The following SVOP variants were observed in gnomAD, a reference collection of about 807,000 sequenced individuals.
The protein encoded by SVOP is SV2 related protein.
SVOP carries 17 observed loss-of-function variants against 69.1 expected under a neutral mutation model. That is an observed-to-expected ratio of 0.25 (90% CI 0.17 to 0.37). The LOEUF (loss-of-function observed/expected upper bound fraction) is 0.37. SVOP is among the 10% of genes least tolerant of loss of function. SVOP has a pLI of 1.00. For missense variants in SVOP, 435 were observed against 597.5 expected (o/e 0.73, Z 2.84); for synonymous variants, 238 against 238.6 (o/e 1.00, Z 0.02).
At chr12:108,974,037 G>T (rs775739982) in intron 4 of SVOP, among the ~76,000 whole-genome samples, 1 of 152,230 alleles carries the variant, frequency 6.6e-6, no homozygotes, top group South Asian at 2.1e-4. Flanking sequence ...AAAGCTGTGT[G>T]CTCTTTGGCA....
At chr12:108,958,490 A>G (rs1225781954) in intron 6 of SVOP, among the ~76,000 whole-genome samples, 1 of 152,124 alleles carries the variant, frequency 6.6e-6, no homozygotes, top group Non-Finnish European at 1.5e-5. Flanking sequence ...AGGTTGTCCC[A>G]TCTAGCTTTG....
chr12:108,965,132 T>C (rs1012767725), intron 5 of SVOP, among the ~76,000 whole-genome samples: 1 of 152,198 alleles, frequency 6.6e-6, no homozygotes, highest in African/African-American at 2.4e-5. Context: ...ACAGCCAGAG[T>C]CTCTGACTTC....
chr12:108,999,892 A>C (rs9668145), intron 1 of SVOP, among the ~76,000 whole-genome samples: 44,838 of 151,566 alleles, frequency 0.3, 7,538 homozygotes, highest in African/African-American at 0.46. Context: ...CTAACATCAC[A>C]ATTAAAAGAA....
At chr12:108,977,586 G>GGGGT in intron 3 of SVOP, 90 bp from the exon 4 acceptor site, 1 of 804,150 alleles carries the variant, frequency 1.2e-6, no homozygotes. Flanking sequence ...GACAGAGACT[G>GGGGT]TAGCACACCC....
chr12:108,915,692 G>A, intron 15 of SVOP, 91 bp downstream of exon 15: 1 of 1,336,316 alleles, frequency 7.5e-7, no homozygotes. Context: ...TGCAACCCGA[G>A]GGCTCTGGGG....
chr12:109,002,167 C>G, intron 1 of SVOP, among the ~76,000 whole-genome samples: 1 of 73,166 alleles, frequency 1.4e-5, no homozygotes, highest in Non-Finnish European at 2.9e-5. Context: ...AGACACTTCT[C>G]AAAAGAAGAC....
rs1186997265 is a variant in SVOP at position 108,947,816 on chromosome 12, T to C, written c.579-2650A>G. Reference sequence around the variant, plus strand: ...GCATCTGAGCTACTAAATGGCCTCATGTTACTCTCCTAGCTCCTCTTAAGG... The same window carrying C: ...GCATCTGAGCTACTAAATGGCCTCACGTTACTCTCCTAGCTCCTCTTAAGG... On this transcript the variant is annotated intron_variant, in intron 6 of 15. Transcript: ENST00000610966. Among the ~76,000 whole-genome samples the C allele has an allele frequency of 2.0e-5, 3 of 152,158 alleles. No homozygotes were observed. The East Asian group carries it at 5.8e-4, about 29-fold the overall frequency.
At chr12:109,020,223 T>A (rs2040389395) in intron 1 of SVOP, among the ~76,000 whole-genome samples, 2 of 152,196 alleles carry the variant, frequency 1.3e-5, no homozygotes, top group Admixed American at 1.3e-4. Flanking sequence ...GTTCCGACAG[T>A]GAGTCTCACT....
At position 108,972,443 on chromosome 12, in the gene SVOP, G is replaced by T; in HGVS notation, c.415C>A (p.Leu139Ile). 2 of 1,537,250 alleles carry T rather than the reference G, an allele frequency of 1.3e-6. No individual in the cohort carries two copies. Among genetic ancestry groups the T allele is most frequent in the Non-Finnish European group, 1.7e-6 (2 of 1,146,914 alleles). ...VFVGMMSSST[L>I]WGNISDQYGR... ...TACTGGTCTGAGATATTTCCCCAGA[G>T]CGTGGAGCTGGACATCATGCCTACA... is the stretch of plus-strand genomic sequence containing the variant. Residue 139 changes from leucine to isoleucine, a missense_variant, in exon 5 of 16, where the codon CTC becomes ATC. By Grantham distance (5) the Leu-to-Ile change is conservative (BLOSUM62 2). Coordinates refer to ENST00000610966, the MANE Select transcript of SVOP (RefSeq NM_018711.5).
At position 108,964,875 on chromosome 12, in the gene SVOP, A is replaced by T. The variant is rs1027073174; in HGVS notation, c.454-3828T>A. Reference sequence around the variant, plus strand: ...CCCTTTATATAAGGCTCCAGGGTAGATGCATAGACATTATGCATTCATTAA... The same window carrying T: ...CCCTTTATATAAGGCTCCAGGGTAGTTGCATAGACATTATGCATTCATTAA... On this transcript the variant is annotated intron_variant, in intron 5 of 15. Transcript: ENST00000610966. 2.0e-5 allele frequency among the ~76,000 whole-genome samples: 3 copies of T among 152,058 alleles called. No homozygotes were observed. The East Asian group carries it at 5.8e-4, about 29-fold the overall frequency.
At chr12:108,950,831 G>T (rs1038892754) in intron 6 of SVOP, among the ~76,000 whole-genome samples, 2 of 152,162 alleles carry the variant, frequency 1.3e-5, no homozygotes, top group Non-Finnish European at 1.5e-5. Context: ...TCCTATAATT[G>T]TTGTGCCCCA....
At chr12:109,016,921 AT>A (rs1261587128) in intron 1 of SVOP, among the ~76,000 whole-genome samples, 1 of 151,742 alleles carries the variant, frequency 6.6e-6, no homozygotes, top group African/African-American at 2.4e-5. Context: ...TAAGAAAAAA[AT>A]TTTTTTAGTA....
intron 5 of SVOP, among the ~76,000 whole-genome samples, chr12:108,971,681 G>T (rs536937377): frequency 6.6e-6 from 1 of 152,162 alleles, no homozygotes; most frequent in East Asian, 1.9e-4. Flanking sequence ...GTGAGACAGG[G>T]AAGGGAAGGA....
chr12:109,001,219 G>A (rs2040267482), intron 1 of SVOP, among the ~76,000 whole-genome samples: 2 of 73,364 alleles, frequency 2.7e-5, no homozygotes, highest in Non-Finnish European at 5.8e-5. Context: ...TTGCTTCAAA[G>A]AGAATAAAAT....
At chr12:108,973,167 G>A (rs1380011794) in intron 4 of SVOP, among the ~76,000 whole-genome samples, 1 of 152,124 alleles carries the variant, frequency 6.6e-6, no homozygotes, top group African/African-American at 2.4e-5. Context: ...AAGCCTTTAT[G>A]CACACATCTT....
rs752429026 is a variant in SVOP, at chr12:108,934,246, C to T, written c.997G>A (p.Gly333Arg). The T allele has an allele frequency of 1.2e-6, 2 of 1,605,834 alleles. No individual in the cohort carries two copies. Among genetic ancestry groups the T allele is most frequent in the Admixed American group, 1.7e-5 (1 of 58,790 alleles). ...AGTTCTGTGGTGAGTAGAACTAACCCGTAGTAAGAGAATGCATTGGAAAAC... is the reference window on the plus strand; with the variant it reads ...AGTTCTGTGGTGAGTAGAACTAACCTGTAGTAAGAGAATGCATTGGAAAAC... ...IWFSNAFSYY[G>R]LVLLTTELFQ... The change falls in exon 11 of 16, where the codon GGG (glycine) becomes AGG (arginine). Residue 333 changes from glycine (G) to arginine (R), a missense_variant. Coordinates refer to ENST00000610966, the MANE Select transcript of SVOP (RefSeq NM_018711.5).
chr12:108,953,880 G>A (rs914445052), intron 6 of SVOP, among the ~76,000 whole-genome samples: 1 of 152,104 alleles, frequency 6.6e-6, no homozygotes. Context: ...GGGAGGCTGA[G>A]GCAGGCGAAT....
At chr12:108,952,752 C>T (rs2039963352) in intron 6 of SVOP, among the ~76,000 whole-genome samples, 1 of 152,106 alleles carries the variant, frequency 6.6e-6, no homozygotes, top group Non-Finnish European at 1.5e-5. Flanking sequence ...CTAGCTACTC[C>T]AGAGGCTGTG....
intron 1 of SVOP, among the ~76,000 whole-genome samples, chr12:109,003,368 A>G (rs1000191459): frequency 9.2e-5 from 14 of 152,210 alleles, no homozygotes; most frequent in Admixed American, 2.0e-4. Flanking sequence ...GCTCTAGTTG[A>G]TGGAACAGCA....
Sources: allele counts gnomAD v4.1 joint callset (sites outside exome capture counted in the v4.1 genomes callset), GRCh38; gene constraint gnomAD v4.1.1; transcripts MANE v1.5; gene names NCBI Gene and HGNC (gene_info 2026-07-23, HGNC 2026-07-21).